TANC1: variants seen among roughly 807,000 people sequenced by gnomAD.
The protein encoded by TANC1 is tetratricopeptide repeat, ankyrin repeat and coiled-coil containing 1.
In TANC1, 77 loss-of-function variants were observed where a neutral mutation model predicts 149.7. That is an observed-to-expected ratio of 0.51 (90% CI 0.43 to 0.62). TANC1 has a LOEUF of 0.62. Ranked by LOEUF, TANC1 falls within the 20% of genes least tolerant of loss-of-function variation. The pLI is 0.00. For synonymous variants in TANC1, 854 were observed against 925.0 expected (o/e 0.92, Z 1.39); for missense variants, 1,985 against 2,321.8 (o/e 0.85, Z 2.98).
At chr2:159,093,035 A>G (rs1385727330) in intron 3 of TANC1, among the ~76,000 whole-genome samples, 2 of 152,184 alleles carry the variant, frequency 1.3e-5, no homozygotes, top group African/African-American at 2.4e-5. Context: ...ATGCTGTGCG[A>G]TGGAAAGCAT....
chr2:159,204,350 G>C (rs1441220474), intron 19 of TANC1, among the ~76,000 whole-genome samples: 1 of 152,230 alleles, frequency 6.6e-6, no homozygotes, highest in African/African-American at 2.4e-5. Flanking sequence ...ACCATGCTCT[G>C]TTGGACTCCA....
At chr2:159,180,496 G>A (rs1215133731) in intron 14 of TANC1, among the ~76,000 whole-genome samples, 1 of 152,220 alleles carries the variant, frequency 6.6e-6, no homozygotes, top group African/African-American at 2.4e-5. Flanking sequence ...TTGAGGTTAT[G>A]TAGCCTAGGT....
At chr2:159,088,692 C>CT (rs1210392584) in intron 3 of TANC1, among the ~76,000 whole-genome samples, 1 of 152,004 alleles carries the variant, frequency 6.6e-6, no homozygotes, top group East Asian at 1.9e-4. Context: ...TTTTTTGTGA[C>CT]TTTTTTAAAA....
chr2:159,187,143 T>C, intron 16 of TANC1, 119 bp downstream of exon 16: 1 of 1,188,774 alleles, frequency 8.4e-7, no homozygotes, highest in South Asian at 1.5e-5. Context: ...GAGGAGCTTC[T>C]AAAGATGTGC....
At chr2:159,098,421 C>A (rs753591651) in intron 4 of TANC1, among the ~76,000 whole-genome samples, 1 of 152,168 alleles carries the variant, frequency 6.6e-6, no homozygotes, top group African/African-American at 2.4e-5. Context: ...GACAAAATCA[C>A]CTAATGACGC....
intron 3 of TANC1, among the ~76,000 whole-genome samples, chr2:159,081,097 C>T (rs1195554658): frequency 6.6e-6 from 1 of 152,176 alleles, no homozygotes; most frequent in African/African-American, 2.4e-5. Flanking sequence ...CATAGCATGG[C>T]CTTATAACTG....
intron 2 of TANC1, among the ~76,000 whole-genome samples, chr2:159,016,547 T>G (rs2149401809): frequency 6.6e-6 from 1 of 152,252 alleles, no homozygotes; most frequent in South Asian, 2.1e-4. Context: ...AAGTATTTTT[T>G]TTTAGTTTAT....
intron 21 of TANC1, 142 bp from the exon 22 acceptor site, chr2:159,219,550 C>T (rs2059557764): frequency 7.8e-7 from 1 of 1,277,040 alleles, no homozygotes; most frequent in African/African-American, 1.5e-5. Flanking sequence ...ACCATTCTGC[C>T]AGCCCATCCG....
In TANC1 at chr2:159,150,568, A is replaced by C. The variant is rs779300119; in HGVS notation, c.682+12A>C. ...CAGTGGAATTATAGGTAAGAAGCAC[A>C]CTGCTCGGTAACATAATGGCTCGAA... is the stretch of plus-strand genomic sequence containing the variant. On this transcript the variant is annotated intron_variant, in intron 7 of 26. Transcript: ENST00000263635. 6.2e-6 allele frequency: 10 copies of C among 1,601,562 alleles called. No individual in the cohort carries two copies. The highest frequency in any genetic ancestry group is 8.6e-6 in the Non-Finnish European group (10 of 1,168,776).
intron 7 of TANC1, among the ~76,000 whole-genome samples, chr2:159,157,922 C>T (rs1170993063): frequency 6.6e-6 from 1 of 152,062 alleles, no homozygotes; most frequent in Non-Finnish European, 1.5e-5. Context: ...TCTCTGCAAC[C>T]CAGGGAAGGA....
In TANC1 at chr2:159,084,500, A is replaced by G. The variant is rs1225587710; in HGVS notation, c.62-13137A>G. Among the ~76,000 whole-genome samples, 4 of 152,084 alleles carry G rather than the reference A, an allele frequency of 2.6e-5. No homozygotes were observed. The East Asian group carries it at 5.8e-4, about 22-fold the overall frequency. ...ATCCCGTTTTCCTTGTAAGGAGTTG[A>G]AGTAAGATAAATGGTAGCAGCTCCC... is the stretch of plus-strand genomic sequence containing the variant. On this transcript the variant is annotated intron_variant, in intron 3 of 26. Transcript: ENST00000263635.
At chr2:159,220,892 T>C (rs750229794) in intron 22 of TANC1, among the ~76,000 whole-genome samples, 4 of 152,218 alleles carry the variant, frequency 2.6e-5, no homozygotes, top group Non-Finnish European at 5.9e-5. Flanking sequence ...AAAGTTTTAT[T>C]TTTAATTGAC....
At position 159,024,248 on chromosome 2, in the gene TANC1, C is replaced by CA. The variant is rs1196451461; in HGVS notation, c.-16+23059_-16+23060insA. ...ATAGGAACTGGAAAATCCCTATTGC[C>CA]TAGTGACATGGTAGCCATTATAATG... On this transcript the variant is annotated intron_variant, in intron 2 of 26. Transcript: ENST00000263635. Among the ~76,000 whole-genome samples the CA allele has an allele frequency of 2.0e-5, 3 of 152,072 alleles. 1 individual carries two copies. The highest frequency in any genetic ancestry group is 7.2e-5 in the African/African-American group (3 of 41,402).
intron 3 of TANC1, among the ~76,000 whole-genome samples, chr2:159,094,510 G>A (rs897917427): frequency 2.0e-5 from 3 of 152,190 alleles, no homozygotes; most frequent in African/African-American, 4.8e-5. Flanking sequence ...CAAGTTTGTC[G>A]GGTCAGAGGG....
At chr2:159,214,464 G>T (rs1459797006) in intron 19 of TANC1, among the ~76,000 whole-genome samples, 1 of 152,180 alleles carries the variant, frequency 6.6e-6, no homozygotes, top group East Asian at 1.9e-4. Flanking sequence ...GAGAACCATG[G>T]TGCACAGGCC....
intron 1 of TANC1, among the ~76,000 whole-genome samples, chr2:158,987,029 C>A (rs2035075813): frequency 6.7e-6 from 1 of 149,668 alleles, no homozygotes; most frequent in Admixed American, 6.7e-5. Context: ...CTGGGGAAAC[C>A]CTGTCTCTAC....
At chr2:159,182,382 G>A (rs918115841) in intron 14 of TANC1, among the ~76,000 whole-genome samples, 3 of 151,880 alleles carry the variant, frequency 2.0e-5, no homozygotes, top group South Asian at 2.1e-4. Context: ...ACTTAACCAC[G>A]CTATTACTGC....
At chr2:159,185,076 A>G (rs564294243) in intron 14 of TANC1, among the ~76,000 whole-genome samples, 1 of 152,186 alleles carries the variant, frequency 6.6e-6, no homozygotes, top group South Asian at 2.1e-4. Flanking sequence ...TCCCCAACCA[A>G]ACAGCTCAAA....
chr2:159,075,278 G>A (rs549059370), intron 3 of TANC1, among the ~76,000 whole-genome samples: 12 of 152,000 alleles, frequency 7.9e-5, no homozygotes, highest in South Asian at 6.2e-4. Flanking sequence ...TACAAAATTC[G>A]AAAAATACGC....
Sources: gnomAD v4.1 joint callset for allele counts (sites outside exome capture counted in the v4.1 genomes callset) on GRCh38, gnomAD v4.1.1 for gene constraint, MANE v1.5 for transcripts, NCBI Gene and HGNC (gene_info 2026-07-23, HGNC 2026-07-21) for gene names.